ARID5B: variants seen among roughly 807,000 people sequenced by gnomAD.
ARID5B encodes AT-rich interaction domain 5B.
In ARID5B, 13 loss-of-function variants were observed where a neutral mutation model predicts 97.2. That is an observed-to-expected ratio of 0.13 (90% CI 0.09 to 0.21). The LOEUF (loss-of-function observed/expected upper bound fraction) is 0.21, where lower values mean the gene tolerates loss of function less well. Ranked by LOEUF, ARID5B falls within the 10% of genes least tolerant of loss-of-function variation. The probability of loss-of-function intolerance (pLI) is 1.00; values close to 1 mark genes in which losing one functional copy is unlikely to be tolerated. For synonymous variants in ARID5B, 556 were observed against 570.3 expected (o/e 0.97, Z 0.36); for missense variants, 1,210 against 1,465.3 (o/e 0.83, Z 2.84).
At chr10:61,904,441 G>A (rs763655995) in intron 2 of ARID5B, among the ~76,000 whole-genome samples, 1 of 152,148 alleles carries the variant, frequency 6.6e-6, no homozygotes, top group Non-Finnish European at 1.5e-5. Context: ...ACAGTGAATA[G>A]ATATATTTTT....
At chr10:61,936,845 CCCAA>C (rs1564606851) in intron 2 of ARID5B, among the ~76,000 whole-genome samples, 2 of 18,268 alleles carry the variant, frequency 1.1e-4, no homozygotes, top group Non-Finnish European at 1.2e-4. Context: ...TTTTTTCTTC[CCCAA>C]AAAAAAAAAA....
chr10:62,045,035 CTG>C (rs1266137916), intron 4 of ARID5B, among the ~76,000 whole-genome samples: 8 of 152,286 alleles, frequency 5.3e-5, no homozygotes, highest in Non-Finnish European at 1.0e-4. Flanking sequence ...TGAAATATAA[CTG>C]TGGATTTGAA....
At chr10:62,010,404 C>T (rs1418404882) in intron 4 of ARID5B, among the ~76,000 whole-genome samples, 11 of 152,184 alleles carry the variant, frequency 7.2e-5, no homozygotes, top group Admixed American at 5.9e-4. Context: ...TTTCTCTTCG[C>T]TAGACTCTAA....
intron 4 of ARID5B, among the ~76,000 whole-genome samples, chr10:62,010,977 C>T (rs1193978291): frequency 1.2e-4 from 19 of 152,106 alleles, no homozygotes; most frequent in Admixed American, 1.2e-3. Context: ...GGAATCATAT[C>T]GGAAAGTGTT....
chr10:62,062,265 G>A (rs1270457158), intron 7 of ARID5B, among the ~76,000 whole-genome samples: 1 of 152,192 alleles, frequency 6.6e-6, no homozygotes, highest in Non-Finnish European at 1.5e-5. Context: ...AGAAACGAGT[G>A]TAGACTTGTA....
At chr10:62,001,495 G>C (rs963470827) in intron 4 of ARID5B, among the ~76,000 whole-genome samples, 2 of 152,180 alleles carry the variant, frequency 1.3e-5, no homozygotes, top group African/African-American at 4.8e-5. Context: ...AGGTTACTCT[G>C]CTTATCCTTT....
intron 4 of ARID5B, among the ~76,000 whole-genome samples, chr10:62,007,313 T>C (rs1839158911): frequency 6.6e-6 from 1 of 152,240 alleles, no homozygotes; most frequent in Non-Finnish European, 1.5e-5. Context: ...TTAGAGCCTA[T>C]TACAGTGCCT....
rs1838679290 is a variant in ARID5B at position 61,974,932 on chromosome 10, A to G, written c.503-25159A>G. On this transcript the variant is annotated intron_variant, in intron 3 of 9. Coordinates refer to ENST00000279873, the MANE Select transcript of ARID5B (RefSeq NM_032199.3). ...AATTAGCCTGGGGTCTCGGGGGCAG[A>G]TATGTGCTCTAACTGCTTATTACAC... 2.0e-5 allele frequency among the ~76,000 whole-genome samples: 3 copies of G among 149,162 alleles called. No homozygotes were observed. In the South Asian group the frequency reaches 6.3e-4, roughly 31 times the overall value.
At chr10:61,907,260 T>C (rs1048470512) in intron 2 of ARID5B, among the ~76,000 whole-genome samples, 1 of 152,240 alleles carries the variant, frequency 6.6e-6, no homozygotes, top group Admixed American at 6.5e-5. Flanking sequence ...ATTGCCTGAT[T>C]TGGTCATATC....
intron 4 of ARID5B, among the ~76,000 whole-genome samples, chr10:62,029,739 C>A (rs1169188330): frequency 6.6e-6 from 1 of 152,208 alleles, no homozygotes; most frequent in Admixed American, 6.5e-5. Flanking sequence ...CACCTCGTAA[C>A]AAATTCTGCC....
intron 3 of ARID5B, among the ~76,000 whole-genome samples, chr10:61,989,118 A>G (rs1180389349): frequency 6.6e-6 from 1 of 151,466 alleles, no homozygotes; most frequent in Non-Finnish European, 1.5e-5. Flanking sequence ...TTTAGTAGAG[A>G]CGGGGTTTCG....
intron 9 of ARID5B, among the ~76,000 whole-genome samples, chr10:62,086,693 A>AT (rs1840286539): frequency 9.5e-6 from 1 of 105,630 alleles, no homozygotes; most frequent in African/African-American, 4.4e-5. Context: ...TCCATCTCAA[A>AT]AAAAAAAAAA....
chr10:62,062,852 A>G (rs577152816), intron 7 of ARID5B, among the ~76,000 whole-genome samples: 3 of 151,688 alleles, frequency 2.0e-5, no homozygotes, highest in Non-Finnish European at 2.9e-5. Flanking sequence ...CAAGCGAGAA[A>G]ACTGAGGCAC....
chr10:61,945,559 C>T (rs1844485848), intron 3 of ARID5B, among the ~76,000 whole-genome samples: 1 of 152,080 alleles, frequency 6.6e-6, no homozygotes, highest in East Asian at 1.9e-4. Flanking sequence ...CTTTGGATTG[C>T]TGGTTTCACT....
chr10:62,001,782 T>C (rs563885256), intron 4 of ARID5B, among the ~76,000 whole-genome samples: 1 of 152,342 alleles, frequency 6.6e-6, no homozygotes, highest in African/African-American at 2.4e-5. Context: ...CTCTGGCTTA[T>C]CAAATGACTG....
chr10:61,930,339 G>T (rs1027727511), intron 2 of ARID5B, among the ~76,000 whole-genome samples: 6 of 152,158 alleles, frequency 3.9e-5, no homozygotes, highest in East Asian at 1.9e-4. Context: ...TCTTTTCAAA[G>T]ATCTTTATAT....
chr10:61,966,183 G>A (rs4245597), intron 3 of ARID5B, among the ~76,000 whole-genome samples: 106,269 of 152,068 alleles, frequency 0.7, 37,705 homozygotes, highest in African/African-American at 0.81. Context: ...TATACAATGC[G>A]TCATTGATTT....
intron 4 of ARID5B, among the ~76,000 whole-genome samples, chr10:62,021,425 G>A (rs1839355160): frequency 6.6e-6 from 1 of 152,164 alleles, no homozygotes; most frequent in Non-Finnish European, 1.5e-5. Context: ...AGAAATATGG[G>A]AAAATTCTGT....
intron 4 of ARID5B, among the ~76,000 whole-genome samples, chr10:62,034,973 C>A (rs746043282): frequency 6.6e-6 from 1 of 152,174 alleles, no homozygotes; most frequent in Non-Finnish European, 1.5e-5. Context: ...TCTAGGAGAG[C>A]CAGTAGCCCG....
Sources: allele counts gnomAD v4.1 joint callset (sites outside exome capture counted in the v4.1 genomes callset), GRCh38; gene constraint gnomAD v4.1.1; transcripts MANE v1.5; gene names NCBI Gene and HGNC (gene_info 2026-07-23, HGNC 2026-07-21).